TYW1B: variants seen among roughly 807,000 people sequenced by gnomAD.
TYW1B encodes the protein tRNA-yW synthesizing protein 1 homolog B, also known as S-adenosyl-L-methionine-dependent tRNA 4-demethylwyosine synthase TYW1B.
In TYW1B, 73 loss-of-function variants were observed where a neutral mutation model predicts 86.9. The observed-to-expected ratio is 0.84, with a 90% CI of 0.70 to 1.02. The LOEUF (loss-of-function observed/expected upper bound fraction) is 1.02, where lower values mean the gene tolerates loss of function less well. Among genes scored for constraint, TYW1B ranks in the 50% least tolerant of loss-of-function variants. The pLI is 0.00. For missense variants in TYW1B, 637 were observed against 827.4 expected (o/e 0.77, Z 2.82); for synonymous variants, 248 against 292.8 (o/e 0.85, Z 1.56).
intron 7 of TYW1B, among the ~76,000 whole-genome samples, chr7:72,759,685 G>A (rs554492724): frequency 1.7e-4 from 26 of 152,230 alleles, no homozygotes; most frequent in African/African-American, 5.8e-4. Flanking sequence ...TTCTATTGGT[G>A]TTGAGATGAA....
At chr7:72,685,206 A>G (rs187556492) in intron 11 of TYW1B, among the ~76,000 whole-genome samples, 135 of 152,234 alleles carry the variant, frequency 8.9e-4, no homozygotes, top group African/African-American at 2.9e-3. Flanking sequence ...ATGGACTTCA[A>G]TTACTAGTAG....
At chr7:72,628,631 T>G (rs1186824931) in intron 12 of TYW1B, among the ~76,000 whole-genome samples, 1 of 152,100 alleles carries the variant, frequency 6.6e-6, no homozygotes, top group Admixed American at 6.6e-5. Flanking sequence ...TTTTAATGAC[T>G]CACTTTGTGT....
At chr7:72,693,469 C>T (rs1260322071) in intron 11 of TYW1B, among the ~76,000 whole-genome samples, 3 of 144,496 alleles carry the variant, frequency 2.1e-5, no homozygotes, top group Non-Finnish European at 4.5e-5. Context: ...AGTGCAGTGG[C>T]GCAATCTCGG....
intron 7 of TYW1B, among the ~76,000 whole-genome samples, chr7:72,771,075 G>A (rs1787859251): frequency 6.7e-6 from 1 of 149,386 alleles, no homozygotes; most frequent in Admixed American, 6.8e-5. Context: ...TGATTCTCCT[G>A]CCTCAGCCTC....
At chr7:72,806,796 A>G (rs1257729221) in intron 5 of TYW1B, among the ~76,000 whole-genome samples, 1 of 151,988 alleles carries the variant, frequency 6.6e-6, no homozygotes, top group Non-Finnish European at 1.5e-5. Context: ...GACAACAGGC[A>G]TGCACCACCA....
chr7:72,633,557 T>G (rs1812594916), intron 11 of TYW1B, among the ~76,000 whole-genome samples: 1 of 152,238 alleles, frequency 6.6e-6, no homozygotes, highest in South Asian at 2.1e-4. Context: ...CAGACACCCT[T>G]CTGCTCCTCC....
intron 7 of TYW1B, among the ~76,000 whole-genome samples, chr7:72,756,722 C>T (rs567542976): frequency 1.1e-3 from 170 of 152,158 alleles, no homozygotes; most frequent in Middle Eastern, 3.4e-3. Context: ...CAAACAGTGA[C>T]AAGAGATGCA....
At chr7:72,636,751 T>C (rs1279618240) in intron 11 of TYW1B, among the ~76,000 whole-genome samples, 4 of 152,216 alleles carry the variant, frequency 2.6e-5, no homozygotes, top group Non-Finnish European at 5.9e-5. Flanking sequence ...CTCGCATTCT[T>C]AGAATAAAGC....
intron 7 of TYW1B, among the ~76,000 whole-genome samples, chr7:72,772,430 T>C (rs1421635585): frequency 2.6e-5 from 4 of 152,198 alleles, no homozygotes; most frequent in African/African-American, 9.7e-5. Context: ...ATCAGTAATC[T>C]TTGAAAGAAG....
rs147281926 is a variant in TYW1B, at chr7:72,820,943, C to T, written c.136-5462G>A. Among the ~76,000 whole-genome samples, 87 of 152,228 alleles carry T rather than the reference C, an allele frequency of 5.7e-4. 1 individual carries two copies. In the East Asian group the frequency reaches 0.015, roughly 27 times the overall value. ...AAAATATCCCTGACAGTAAGAGCTA[C>T]GGAAGACAAAGAATTCGCACACTTA... On this transcript the variant is annotated intron_variant, in intron 2 of 13. Transcript: ENST00000620995.
intron 8 of TYW1B, among the ~76,000 whole-genome samples, chr7:72,732,600 G>A (rs1585938893): frequency 6.6e-6 from 1 of 152,138 alleles, no homozygotes; most frequent in South Asian, 2.1e-4. Flanking sequence ...AAACTTAAGG[G>A]ACAGAGCAAA....
At chr7:72,578,098 G>C (rs1811067963) in intron 13 of TYW1B, among the ~76,000 whole-genome samples, 1 of 148,552 alleles carries the variant, frequency 6.7e-6, no homozygotes, top group African/African-American at 2.5e-5. Flanking sequence ...CGAGGGCCCA[G>C]CCTCTCTTCC....
chr7:72,674,488 A>G (rs1327036137), intron 11 of TYW1B, among the ~76,000 whole-genome samples: 1 of 149,610 alleles, frequency 6.7e-6, no homozygotes, highest in Non-Finnish European at 1.5e-5. Flanking sequence ...CAACTCAAAG[A>G]TTTTTTTTTT....
chr7:72,606,702 G>A (rs1219755497), intron 13 of TYW1B, among the ~76,000 whole-genome samples: 1 of 151,412 alleles, frequency 6.6e-6, no homozygotes, highest in Non-Finnish European at 1.5e-5. Context: ...GGTATAACAG[G>A]AGGCTGACGG....
At chr7:72,639,012 A>C (rs1485894691) in intron 11 of TYW1B, among the ~76,000 whole-genome samples, 3 of 152,330 alleles carry the variant, frequency 2.0e-5, no homozygotes, top group African/African-American at 7.2e-5. Flanking sequence ...TTCCACAAAT[A>C]AGTAGCACAC....
chr7:72,769,655 A>G (rs1787832882), intron 7 of TYW1B, among the ~76,000 whole-genome samples: 1 of 152,252 alleles, frequency 6.6e-6, no homozygotes, highest in Admixed American at 6.5e-5. Context: ...ACATTCAACA[A>G]AAGATTCACA....
intron 10 of TYW1B, among the ~76,000 whole-genome samples, chr7:72,699,659 T>C (rs1459471252): frequency 1.3e-5 from 2 of 152,116 alleles, no homozygotes; most frequent in East Asian, 3.8e-4. Flanking sequence ...CTTTTCTTTT[T>C]TTTTTTTAAA....
chr7:72,815,181 G>GC (rs1167353361), intron 3 of TYW1B, among the ~76,000 whole-genome samples, 199 bp downstream of exon 3: 2 of 151,316 alleles, frequency 1.3e-5, no homozygotes, highest in Non-Finnish European at 2.9e-5. Flanking sequence ...TGAAGAACAA[G>GC]CCCCACACCA....
chr7:72,759,424 C>T (rs925287593), intron 7 of TYW1B, among the ~76,000 whole-genome samples: 1 of 150,636 alleles, frequency 6.6e-6, no homozygotes, highest in Non-Finnish European at 1.5e-5. Context: ...TCTTTGCTCT[C>T]GAGAGATTAA....
Sources: allele counts gnomAD v4.1 joint callset (sites outside exome capture counted in the v4.1 genomes callset), GRCh38; gene constraint gnomAD v4.1.1; transcripts MANE v1.5; gene names NCBI Gene and HGNC (gene_info 2026-07-23, HGNC 2026-07-21).